PTPRM: variants seen among roughly 807,000 people sequenced by gnomAD.
The protein encoded by PTPRM is receptor-type tyrosine-protein phosphatase mu.
In PTPRM, 47 loss-of-function variants were observed where a neutral mutation model predicts 186.7. The ratio of observed to expected loss-of-function variants is 0.25; its 90% CI spans 0.20 to 0.32. The LOEUF (loss-of-function observed/expected upper bound fraction) is 0.32. PTPRM is among the 10% of genes least tolerant of loss of function. The probability of loss-of-function intolerance (pLI) is 1.00; values close to 1 mark genes in which losing one functional copy is unlikely to be tolerated. For missense variants in PTPRM, 1,494 were observed against 1,865.0 expected (o/e 0.80, Z 3.66); for synonymous variants, 668 against 674.9 (o/e 0.99, Z 0.16).
At chr18:7,899,882 T>A (rs1013056025) in intron 3 of PTPRM, among the ~76,000 whole-genome samples, 7 of 152,346 alleles carry the variant, frequency 4.6e-5, no homozygotes, top group Admixed American at 2.6e-4. Flanking sequence ...ATTTTAAAAA[T>A]TTGATAATGA....
At chr18:7,883,218 C>G (rs2048595758) in intron 2 of PTPRM, among the ~76,000 whole-genome samples, 1 of 152,110 alleles carries the variant, frequency 6.6e-6, no homozygotes, top group East Asian at 1.9e-4. Context: ...ATTTACCGAG[C>G]TGGAATGCTT....
chr18:8,375,689 A>G (rs988673776), intron 24 of PTPRM, among the ~76,000 whole-genome samples: 4 of 151,842 alleles, frequency 2.6e-5, no homozygotes, highest in Admixed American at 2.0e-4. Flanking sequence ...TTCTCTACAG[A>G]CTCTCACCTC....
intron 8 of PTPRM, among the ~76,000 whole-genome samples, chr18:8,074,104 T>G (rs1378744724): frequency 6.6e-6 from 1 of 152,184 alleles, no homozygotes; most frequent in Non-Finnish European, 1.5e-5. Flanking sequence ...GTAAATGTTC[T>G]ACATTTATAT....
At chr18:8,056,657 CT>C in intron 7 of PTPRM, among the ~76,000 whole-genome samples, 1 of 151,394 alleles carries the variant, frequency 6.6e-6, no homozygotes, top group Admixed American at 6.6e-5. Flanking sequence ...GCACATTAGA[CT>C]TTGCTTATTT....
At chr18:7,597,333 G>C (rs1041154495) in intron 1 of PTPRM, among the ~76,000 whole-genome samples, 8 of 152,128 alleles carry the variant, frequency 5.3e-5, no homozygotes, top group Non-Finnish European at 1.2e-4. Flanking sequence ...TTCTCTCTGT[G>C]TTCTCTTCTG....
intron 4 of PTPRM, among the ~76,000 whole-genome samples, chr18:7,925,208 A>G (rs980560517): frequency 3.3e-5 from 5 of 152,192 alleles, no homozygotes; most frequent in South Asian, 2.1e-4. Flanking sequence ...TTCTTGAGCA[A>G]GGGGTAATTT....
Position 8,227,328 on chromosome 18 carries a change from C to G in PTPRM, c.2301-16730C>G, listed in dbSNP as rs539605548. ...CACCTGAAGCAACCTCTTTTAGTTA[C>G]TGCTTTCCATGCCAGTTGCCAGGGC... is the stretch of plus-strand genomic sequence containing the variant. On this transcript the variant is annotated intron_variant, in intron 14 of 32. Transcript: ENST00000580170. 8.5e-5 allele frequency among the ~76,000 whole-genome samples: 13 copies of G among 152,352 alleles called. No individual in the cohort carries two copies. The South Asian group carries it at 2.3e-3, about 27-fold the overall frequency.
At position 7,766,598 on chromosome 18, in the gene PTPRM, C is replaced by T. The variant is rs2144826610; in HGVS notation, c.74-7551C>T. On this transcript the variant is annotated intron_variant, in intron 1 of 32. Transcript: ENST00000580170. ...CTGCTGGAGGCACTTGCTACAGAAC[C>T]ACTGGGGCACTGTGCAGGGGCAAGC... Among the ~76,000 whole-genome samples the T allele has an allele frequency of 1.3e-5, 2 of 152,230 alleles. 1 individual carries two copies. The highest frequency in any genetic ancestry group is 4.1e-4 in the South Asian group (2 of 4,820).
intron 11 of PTPRM, among the ~76,000 whole-genome samples, chr18:8,108,947 G>A (rs2091643191): frequency 6.6e-6 from 1 of 152,160 alleles, no homozygotes; most frequent in African/African-American, 2.4e-5. Context: ...CTCATTAAAA[G>A]GATAATAGAA....
intron 1 of PTPRM, among the ~76,000 whole-genome samples, chr18:7,593,377 C>T: frequency 6.6e-6 from 1 of 152,200 alleles, no homozygotes; most frequent in Non-Finnish European, 1.5e-5. Flanking sequence ...ACACAGGCAG[C>T]ATTCACAATA....
rs371118610 is a variant in PTPRM, at chr18:7,603,630, T to C, written c.73+35739T>C. 2.2e-4 allele frequency among the ~76,000 whole-genome samples: 34 copies of C among 152,362 alleles called. No individual in the cohort carries two copies. In the East Asian group the frequency reaches 4.4e-3, roughly 20 times the overall value. On this transcript the variant is annotated intron_variant, in intron 1 of 32. Coordinates refer to ENST00000580170, the MANE Select transcript of PTPRM (RefSeq NM_001105244.2). ...GAGTATCTGTTTGTCTGAAGCCTGCTGATTCTTTCTGTTCCTCCAACTTCC... is the reference window on the plus strand; with the variant it reads ...GAGTATCTGTTTGTCTGAAGCCTGCCGATTCTTTCTGTTCCTCCAACTTCC...
intron 32 of PTPRM, chr18:8,402,730 T>C (rs893142934): frequency 6.6e-6 from 1 of 152,192 alleles, no homozygotes; most frequent in Non-Finnish European, 1.5e-5. Flanking sequence ...ATTCCAATTA[T>C]CTCTTTTAAA....
intron 13 of PTPRM, among the ~76,000 whole-genome samples, chr18:8,137,568 TAC>T (rs2092665917): frequency 2.6e-5 from 4 of 152,164 alleles, no homozygotes; most frequent in Non-Finnish European, 5.9e-5. Context: ...GTTCTCAAGG[TAC>T]TGTTCTGTTA....
chr18:8,366,646 G>A (rs965753338), intron 23 of PTPRM, among the ~76,000 whole-genome samples: 24 of 152,284 alleles, frequency 1.6e-4, no homozygotes, highest in African/African-American at 3.6e-4. Context: ...GTGCTGTTTC[G>A]TGTTTGTGAG....
intron 7 of PTPRM, among the ~76,000 whole-genome samples, chr18:7,960,602 A>C (rs993992135): frequency 6.6e-6 from 1 of 151,854 alleles, no homozygotes; most frequent in Non-Finnish European, 1.5e-5. Context: ...AATTAAATGA[A>C]GAATAATTAG....
intron 14 of PTPRM, among the ~76,000 whole-genome samples, chr18:8,152,951 C>T (rs1305398100): frequency 2.6e-5 from 4 of 152,092 alleles, no homozygotes; most frequent in African/African-American, 9.6e-5. Context: ...CTCCTGACCT[C>T]GTGATCCCCC....
At chr18:7,922,539 G>A (rs1001813844) in intron 4 of PTPRM, among the ~76,000 whole-genome samples, 1 of 152,144 alleles carries the variant, frequency 6.6e-6, no homozygotes, top group Non-Finnish European at 1.5e-5. Context: ...TTTCTGCTGG[G>A]CAGATTGGGG....
At chr18:8,064,840 G>A (rs2088933704) in intron 7 of PTPRM, among the ~76,000 whole-genome samples, 1 of 152,176 alleles carries the variant, frequency 6.6e-6, no homozygotes, top group Non-Finnish European at 1.5e-5. Flanking sequence ...TATAATATTA[G>A]TTACTCAGAC....
chr18:8,329,960 G>A (rs1387823438), intron 22 of PTPRM, among the ~76,000 whole-genome samples: 1 of 151,912 alleles, frequency 6.6e-6, no homozygotes, highest in African/African-American at 2.4e-5. Flanking sequence ...AACCACACCT[G>A]GCTAATTTTT....
Sources: allele counts gnomAD v4.1 joint callset (sites outside exome capture counted in the v4.1 genomes callset), GRCh38; gene constraint gnomAD v4.1.1; transcripts MANE v1.5; gene names NCBI Gene and HGNC (gene_info 2026-07-23, HGNC 2026-07-21).